Variants in ZNF479 observed in about 807,000 individuals in gnomAD.
ZNF479 encodes the protein zinc finger protein 479.
In ZNF479, 15 loss-of-function variants were observed where a neutral mutation model predicts 14.7. The observed-to-expected ratio is 1.02, with a 90% CI of 0.68 to 1.57. ZNF479 has a LOEUF of 1.57. Among genes scored for constraint, ZNF479 ranks in the 40% most tolerant of loss-of-function variants. The pLI, the probability that ZNF479 is intolerant of heterozygous loss-of-function variation, is 0.00. For synonymous variants in ZNF479, 145 were observed against 211.5 expected (o/e 0.69, Z 2.73); for missense variants, 506 against 615.1 (o/e 0.82, Z 1.88).
intron 1 of ZNF479, among the ~76,000 whole-genome samples, chr7:57,130,257 G>A (rs1194287587): frequency 1.3e-5 from 2 of 152,164 alleles, no homozygotes; most frequent in East Asian, 3.9e-4. Flanking sequence ...GGAAGATCAC[G>A]AGTTCAGGGG....
At chr7:57,137,371 G>A (rs1462796743), upstream of ZNF479, among the ~76,000 whole-genome samples, 1 of 152,054 alleles carries the variant, frequency 6.6e-6, no homozygotes, top group Non-Finnish European at 1.5e-5. Flanking sequence ...CACTATGTTG[G>A]TCAGGTTGGT....
chr7:57,124,245 C>G (rs1045747862), intron 3 of ZNF479, among the ~76,000 whole-genome samples: 1 of 152,104 alleles, frequency 6.6e-6, no homozygotes, highest in Non-Finnish European at 1.5e-5. Context: ...ATAACAATAA[C>G]TATGTGGTAC....
chr7:57,122,679 G>A (rs1473413751), intron 3 of ZNF479, among the ~76,000 whole-genome samples: 3 of 152,118 alleles, frequency 2.0e-5, no homozygotes, highest in African/African-American at 7.2e-5. Flanking sequence ...AAAATATACT[G>A]TTGTAACATT....
At chr7:57,123,802 C>A (rs1786048957) in intron 3 of ZNF479, among the ~76,000 whole-genome samples, 1 of 151,738 alleles carries the variant, frequency 6.6e-6, no homozygotes, top group African/African-American at 2.4e-5. Context: ...TACTGCACTA[C>A]AGTCTGGGAA....
upstream of ZNF479, among the ~76,000 whole-genome samples, chr7:57,134,371 C>T (rs1471509839): frequency 2.0e-5 from 3 of 152,118 alleles, no homozygotes; most frequent in African/African-American, 7.2e-5. Flanking sequence ...AAGACATTCC[C>T]ACCAGCGCCA....
chr7:57,123,925 A>G lies in ZNF479; in HGVS notation c.262+2093T>C, dbSNP rs1049514293. On this transcript the variant is annotated intron_variant, in intron 3 of 3. Transcript: ENST00000319636. Reference sequence around the variant, plus strand: ...AAAAGAAAAAAAGTAATACTGGCAAATCAAAAATACATGGAAATAAACACA... The same window carrying G: ...AAAAGAAAAAAAGTAATACTGGCAAGTCAAAAATACATGGAAATAAACACA... 1.8e-3 allele frequency among the ~76,000 whole-genome samples: 273 copies of G among 151,984 alleles called. 2 individuals carry two copies. The highest frequency in any genetic ancestry group is 6.4e-3 in the African/African-American group (265 of 41,478).
At position 57,123,362 on chromosome 7, in the gene ZNF479, C is replaced by T. The variant is rs553700231; in HGVS notation, c.263-2210G>A. Among the ~76,000 whole-genome samples the T allele has an allele frequency of 4.9e-4, 74 of 152,282 alleles. 3 individuals carry two copies. The South Asian group carries it at 0.014, about 28-fold the overall frequency. On this transcript the variant is annotated intron_variant, in intron 3 of 3. Transcript: ENST00000319636. Reference sequence around the variant, plus strand: ...CATGATGCAAACAGCTCTCATTAGGCCCCAATCCAACAGTGGAGATTACAT... The same window carrying T: ...CATGATGCAAACAGCTCTCATTAGGTCCCAATCCAACAGTGGAGATTACAT...
upstream of ZNF479, among the ~76,000 whole-genome samples, chr7:57,133,335 CCTT>C (rs532868117): frequency 1.1e-4 from 17 of 152,154 alleles, no homozygotes; most frequent in South Asian, 3.5e-3. Context: ...TTTCCCTTCA[CCTT>C]CTGTCATGGT....
At position 57,120,489 on chromosome 7, in the gene ZNF479, G is replaced by T. The variant is rs1562845391; in HGVS notation, c.926C>A (p.Ser309Tyr). The stretch of plus-strand genomic sequence containing the variant: ...TCTCTTGTGGTCAGTGAGGGTTGAG[G>T]ATACGCTAAAGGCTTTGCCACATTC... ...CEECGKAFSV[S>Y]STLTDHKRIH... The change falls in exon 4 of 4, where the codon TCC becomes TAC. Residue 309 changes from serine (S) to tyrosine (Y), a missense_variant. Ser to Tyr is a moderately radical substitution (Grantham distance 144, BLOSUM62 -2). This residue lies in a region of ZNF479 where 420 missense variants were observed against 474.2 expected (regional missense o/e 0.89). Coordinates refer to ENST00000319636, the MANE Select transcript of ZNF479 (RefSeq NM_001370129.2). 1.2e-6 allele frequency: 2 copies of T among 1,609,876 alleles called. No homozygotes were observed. Among genetic ancestry groups the T allele is most frequent in the Non-Finnish European group, 1.7e-6 (2 of 1,179,226 alleles).
At chr7:57,131,627 A>T (rs1223068588) in intron 1 of ZNF479, among the ~76,000 whole-genome samples, 9 of 135,266 alleles carry the variant, frequency 6.7e-5, no homozygotes, top group African/African-American at 2.1e-4. Context: ...TCTTGAAGAA[A>T]ATATTTGGCC....
intron 3 of ZNF479, among the ~76,000 whole-genome samples, chr7:57,123,091 G>T (rs1211256432): frequency 1.3e-5 from 2 of 152,110 alleles, no homozygotes; most frequent in African/African-American, 4.8e-5. Flanking sequence ...TAAAGAAAAA[G>T]ATTTTTTTGA....
In ZNF479 at chr7:57,118,995, A is replaced by G. The variant is rs530637007; in HGVS notation, c.*845T>C. Among the ~76,000 whole-genome samples, 22 of 152,332 alleles carry G rather than the reference A, an allele frequency of 1.4e-4. No individual in the cohort carries two copies. Among genetic ancestry groups the G allele is most frequent in the African/African-American group, 5.0e-4 (21 of 41,588 alleles). On this transcript the variant is annotated 3_prime_UTR_variant, in exon 4 of 4. Transcript: ENST00000319636. ...TAAATGCTCTGTCACATTTTTATGT[A>G]AGCAGAGTTTCTCTCCAGTATAAAA...
rs768840676 is a variant in ZNF479 at position 57,123,716 on chromosome 7, C to T, written c.262+2302G>A. ...AGCATTGTGGGGTATGCCTCTAGTG[C>T]CAGCCGCTCAGTAGGCCAAGGTGAA... is the stretch of plus-strand genomic sequence containing the variant. On this transcript the variant is annotated intron_variant, in intron 3 of 3. Coordinates refer to ENST00000319636, the MANE Select transcript of ZNF479 (RefSeq NM_001370129.2). Among the ~76,000 whole-genome samples the T allele has an allele frequency of 6.3e-4, 96 of 152,042 alleles. 1 individual carries two copies. Among genetic ancestry groups the T allele is most frequent in the Non-Finnish European group, 1.2e-3 (83 of 68,014 alleles).
At chr7:57,124,586 A>G (rs1053182742) in intron 3 of ZNF479, among the ~76,000 whole-genome samples, 3 of 152,372 alleles carry the variant, frequency 2.0e-5, no homozygotes, top group Admixed American at 1.3e-4. Flanking sequence ...CATGTGCAAC[A>G]AAGAGGAGAA....
chr7:57,129,703 A>T (rs1331575707), intron 1 of ZNF479, among the ~76,000 whole-genome samples: 1 of 152,174 alleles, frequency 6.6e-6, no homozygotes, highest in African/African-American at 2.4e-5. Flanking sequence ...TTTAATTTTC[A>T]TAGCACCCTG....
intron 1 of ZNF479, among the ~76,000 whole-genome samples, chr7:57,131,884 C>T (rs906091197): frequency 2.6e-5 from 4 of 152,280 alleles, no homozygotes; most frequent in African/African-American, 9.6e-5. Context: ...CAGTGACTCC[C>T]ATACATCTCT....
chr7:57,130,118 G>C (rs1170136558), intron 1 of ZNF479, among the ~76,000 whole-genome samples: 1 of 152,156 alleles, frequency 6.6e-6, no homozygotes, highest in Non-Finnish European at 1.5e-5. Flanking sequence ...GCTCACAAAA[G>C]TCAAGAAATA....
At chr7:57,132,881 T>TA (rs1474805747), upstream of ZNF479, among the ~76,000 whole-genome samples, 1 of 152,170 alleles carries the variant, frequency 6.6e-6, no homozygotes, top group African/African-American at 2.4e-5. Context: ...CTCACACCTA[T>TA]AATCCCAGCA....
chr7:57,125,838 A>G (rs989492784), intron 3 of ZNF479, among the ~76,000 whole-genome samples, 180 bp downstream of exon 3: 28 of 152,304 alleles, frequency 1.8e-4, no homozygotes, highest in Non-Finnish European at 3.8e-4. Flanking sequence ...ATCCTTAGAG[A>G]CTTTAACAGC....
Sources: gnomAD v4.1 joint callset for allele counts (sites outside exome capture counted in the v4.1 genomes callset) on GRCh38, gnomAD v4.1.1 for gene constraint, gnomAD v4.1.1 regional missense constraint, MANE v1.5 for transcripts, NCBI Gene and HGNC (gene_info 2026-07-23, HGNC 2026-07-21) for gene names.